CATSPERE: variants seen among roughly 807,000 people sequenced by gnomAD.
CATSPERE encodes the protein catsper channel auxiliary subunit epsilon, also known as cation channel sperm-associated auxiliary subunit epsilon.
CATSPERE carries 93 observed loss-of-function variants against 114.1 expected under a neutral mutation model. That is an observed-to-expected ratio of 0.81 (90% CI 0.69 to 0.97). The LOEUF is 0.97. CATSPERE is among the 50% of genes least tolerant of loss of function. The pLI is 0.00. For synonymous variants in CATSPERE, 341 were observed against 384.1 expected (o/e 0.89, Z 1.31); for missense variants, 1,058 against 1,131.6 (o/e 0.93, Z 0.93).
chr1:244,576,587 A>G (rs979165565), intron 11 of CATSPERE, among the ~76,000 whole-genome samples: 1 of 151,846 alleles, frequency 6.6e-6, no homozygotes, highest in Non-Finnish European at 1.5e-5. Context: ...CTGTTTCTGA[A>G]TAAACATTTT....
chr1:244,454,978 C>T (rs1284094149), intron 1 of CATSPERE, among the ~76,000 whole-genome samples: 2 of 152,150 alleles, frequency 1.3e-5, no homozygotes, highest in Non-Finnish European at 1.5e-5. Flanking sequence ...TGTGGAGATA[C>T]TTTCTCTTGG....
At chr1:244,555,693 TC>T (rs1286175410) in intron 9 of CATSPERE, among the ~76,000 whole-genome samples, 1 of 151,974 alleles carries the variant, frequency 6.6e-6, no homozygotes, top group Non-Finnish European at 1.5e-5. Flanking sequence ...ACCTAAAGAC[TC>T]CACAAAAAAT....
intron 6 of CATSPERE, among the ~76,000 whole-genome samples, chr1:244,498,646 G>C (rs554363361): frequency 4.9e-4 from 75 of 152,118 alleles, no homozygotes; most frequent in Non-Finnish European, 8.4e-4. Flanking sequence ...GCCTGTAATC[G>C]CAGCACTTTG....
At chr1:244,554,231 T>G (rs1178235549) in intron 9 of CATSPERE, among the ~76,000 whole-genome samples, 1 of 152,232 alleles carries the variant, frequency 6.6e-6, no homozygotes, top group Admixed American at 6.5e-5. Flanking sequence ...GGTAGTTATA[T>G]ATTTAGTTTT....
chr1:244,576,040 C>T (rs1375206514), intron 11 of CATSPERE, among the ~76,000 whole-genome samples: 1 of 152,076 alleles, frequency 6.6e-6, no homozygotes, highest in Non-Finnish European at 1.5e-5. Context: ...TACCACCCTG[C>T]GGCTTTCTTT....
chr1:244,605,908 G>A, intron 18 of CATSPERE, 114 bp downstream of exon 18: 1 of 579,096 alleles, frequency 1.7e-6, no homozygotes, highest in Non-Finnish European at 2.9e-6. Context: ...CAGTGGGTAG[G>A]AAAAAAATCA....
At chr1:244,542,588 G>T (rs958254984) in intron 8 of CATSPERE, among the ~76,000 whole-genome samples, 2 of 151,898 alleles carry the variant, frequency 1.3e-5, no homozygotes, top group Non-Finnish European at 1.5e-5. Context: ...TGCAGTATTT[G>T]ATTTTCTGTT....
Position 244,560,721 on chromosome 1 carries a change from C to A in CATSPERE, c.1083C>A (p.Leu361=). ...TCTGGACAGAAAATGAAATTTACCT[C>A]GGATCCATTCTTCTTAAGTTTGCCA... ...FAVWTENEIY[L]GSILLKFARL... Residue 361 remains leucine (L), a synonymous_variant, in exon 10 of 22, where the codon CTC becomes CTA. Transcript: ENST00000366534. 1 of 1,613,628 alleles carries A rather than the reference C, an allele frequency of 6.2e-7. No individual in the cohort carries two copies. The highest frequency in any genetic ancestry group is 8.5e-7 in the Non-Finnish European group (1 of 1,179,866).
chr1:244,472,317 A>G (rs1364360720), intron 2 of CATSPERE, among the ~76,000 whole-genome samples: 1 of 152,150 alleles, frequency 6.6e-6, no homozygotes, highest in Non-Finnish European at 1.5e-5. Flanking sequence ...AGCAGAGGAG[A>G]GTTCTCATTG....
Position 244,617,653 on chromosome 1 carries a change from T to C in CATSPERE, c.2615T>C (p.Val872Ala). The C allele has an allele frequency of 6.5e-7, 1 of 1,543,220 alleles. No individual in the cohort carries two copies. The highest frequency in any genetic ancestry group is 8.7e-7 in the Non-Finnish European group (1 of 1,145,078). Residue 872 changes from valine (V) to alanine (A), a missense_variant, in exon 20 of 22, where the codon GTA becomes GCA. Coordinates refer to ENST00000366534, the MANE Select transcript of CATSPERE (RefSeq NM_001130957.2). Reference protein sequence around the residue: ...FWPMGHSGMYVFRVKILDPNY... With the variant: ...FWPMGHSGMYAFRVKILDPNY... The stretch of plus-strand genomic sequence containing the variant: ...CCCATGGGCCATTCTGGAATGTATG[T>C]ATTTCGTGTGAAGATCCTGGATCCA...
At chr1:244,490,157 G>T (rs749374518) in intron 5 of CATSPERE, among the ~76,000 whole-genome samples, 4 of 152,082 alleles carry the variant, frequency 2.6e-5, no homozygotes, top group African/African-American at 9.7e-5. Flanking sequence ...GTAACTTCAA[G>T]GTCATTATTA....
intron 7 of CATSPERE, among the ~76,000 whole-genome samples, chr1:244,511,970 C>A (rs1481586362): frequency 1.3e-5 from 2 of 152,180 alleles, no homozygotes; most frequent in Non-Finnish European, 2.9e-5. Flanking sequence ...TTAGAATTCT[C>A]TTTTTGCCTT....
chr1:244,586,170 CAGTGGGTA>C (rs2148627854), intron 13 of CATSPERE, among the ~76,000 whole-genome samples: 1 of 152,322 alleles, frequency 6.6e-6, no homozygotes, highest in Admixed American at 6.5e-5. Context: ...AGCCCTGCAG[CAGTGGGTA>C]CTCTAGGAAA....
intron 8 of CATSPERE, among the ~76,000 whole-genome samples, chr1:244,538,998 C>A (rs1680797760): frequency 6.6e-6 from 1 of 152,178 alleles, no homozygotes. Context: ...GTCAGCTGCA[C>A]GTCGCTAGCC....
intron 8 of CATSPERE, among the ~76,000 whole-genome samples, chr1:244,539,220 A>G (rs560071811): frequency 2.6e-4 from 40 of 151,292 alleles, no homozygotes; most frequent in Admixed American, 2.0e-3. Context: ...TTCTGCATCT[A>G]TTGAGATAAT....
At chr1:244,487,820 C>T (rs900451665) in intron 5 of CATSPERE, among the ~76,000 whole-genome samples, 5 of 152,272 alleles carry the variant, frequency 3.3e-5, no homozygotes, top group African/African-American at 1.2e-4. Context: ...GGAGCCAAAA[C>T]CCCTCGTCCC....
At chr1:244,540,601 G>A (rs61844675) in intron 8 of CATSPERE, among the ~76,000 whole-genome samples, 1 of 149,274 alleles carries the variant, frequency 6.7e-6, no homozygotes, top group African/African-American at 2.5e-5. Context: ...ATAGATTCAG[G>A]TGCCATCCCC....
At chr1:244,582,004 A>G in intron 12 of CATSPERE, 150 bp downstream of exon 12, 1 of 435,914 alleles carries the variant, frequency 2.3e-6, no homozygotes, top group East Asian at 4.4e-5. Flanking sequence ...TGTAAAATTA[A>G]TATTTAGCTG....
chr1:244,594,025 A>T (rs768432100), intron 17 of CATSPERE, among the ~76,000 whole-genome samples: 1 of 152,234 alleles, frequency 6.6e-6, no homozygotes, highest in Non-Finnish European at 1.5e-5. Context: ...ATCAATTCTT[A>T]TAGACAATAT....
Sources: gnomAD v4.1 joint callset for allele counts (sites outside exome capture counted in the v4.1 genomes callset) on GRCh38, gnomAD v4.1.1 for gene constraint, MANE v1.5 for transcripts, NCBI Gene and HGNC (gene_info 2026-07-23, HGNC 2026-07-21) for gene names.